The following ZFYVE16 variants were observed in gnomAD, a reference collection of about 807,000 sequenced individuals.
ZFYVE16 encodes zinc finger FYVE domain-containing protein 16.
ZFYVE16 carries 89 observed loss-of-function variants against 138.1 expected under a neutral mutation model. The ratio of observed to expected loss-of-function variants is 0.64; its 90% CI spans 0.54 to 0.77. The LOEUF is 0.77. Among genes scored for constraint, ZFYVE16 ranks in the 30% least tolerant of loss-of-function variants. ZFYVE16 has a pLI of 0.00. For missense variants in ZFYVE16, 1,793 were observed against 1,786.7 expected, an observed-to-expected ratio of 1.00 and a Z score of -0.06; for synonymous variants, 596 against 618.3, an observed-to-expected ratio of 0.96 and a Z score of 0.53.
intron 2 of ZFYVE16, among the ~76,000 whole-genome samples, chr5:80,429,152 G>A (rs537534178): frequency 8.2e-4 from 125 of 152,274 alleles, no homozygotes; most frequent in African/African-American, 3.0e-3. Flanking sequence ...ACACATAATT[G>A]TCAGATTCAC....
chr5:80,457,097 G>A lies in ZFYVE16; in HGVS notation c.3943+5G>A, dbSNP rs758591310. The A allele has an allele frequency of 3.5e-5, 57 of 1,609,480 alleles. No homozygotes were observed. The highest frequency in any genetic ancestry group is 4.7e-5 in the Non-Finnish European group (55 of 1,178,588). ...CCACTGGCCATCCTAGAAAAGGTGA[G>A]CATCTTGGTTCCTAGTGCTAATTTA... On this transcript the variant is annotated splice_donor_5th_base_variant and intron_variant, in intron 14 of 18. Coordinates refer to ENST00000505560, the MANE Select transcript of ZFYVE16 (RefSeq NM_001284236.3).
intron 5 of ZFYVE16, chr5:80,441,932 T>C: frequency 1.0e-6 from 1 of 985,116 alleles, no homozygotes; most frequent in Non-Finnish European, 1.2e-6. Context: ...CAGGCACTAT[T>C]CTGCATTCTG....
At chr5:80,417,183 A>C (rs1746379327) in intron 1 of ZFYVE16, among the ~76,000 whole-genome samples, 1 of 152,202 alleles carries the variant, frequency 6.6e-6, no homozygotes. Flanking sequence ...ACCACCATGG[A>C]AAACAACTTT....
Position 80,479,696 on chromosome 5 carries a change from A to T in ZFYVE16, c.*2319A>T, listed in dbSNP as rs1211231014. On this transcript the variant is annotated 3_prime_UTR_variant, in exon 19 of 19. Transcript: ENST00000505560. Reference sequence around the variant, plus strand: ...AAAACATCAAAGAGATTTTCCAGACAATAAGGAATGCCAAGTCCAAAAGTA... The same window carrying T: ...AAAACATCAAAGAGATTTTCCAGACTATAAGGAATGCCAAGTCCAAAAGTA... 6.6e-6 allele frequency among the ~76,000 whole-genome samples: 1 copy of T among 152,244 alleles called. No homozygotes were observed. The highest frequency in any genetic ancestry group is 1.5e-5 in the Non-Finnish European group (1 of 68,034).
intron 3 of ZFYVE16, 110 bp from the exon 4 acceptor site, chr5:80,436,646 T>C: frequency 1.0e-6 from 1 of 984,300 alleles, no homozygotes; most frequent in Non-Finnish European, 1.5e-6. Flanking sequence ...AAGGATAATC[T>C]ATGTTCTTTT....
chr5:80,465,307 C>T (rs1330897797), intron 15 of ZFYVE16, among the ~76,000 whole-genome samples: 2 of 148,356 alleles, frequency 1.3e-5, no homozygotes, highest in African/African-American at 4.9e-5. Flanking sequence ...TGGACATAAA[C>T]TTTCTGGTTA....
At chr5:80,441,881 G>A (rs1479951688) in intron 5 of ZFYVE16, 5 of 985,228 alleles carry the variant, frequency 5.1e-6, no homozygotes, top group Non-Finnish European at 6.0e-6. Flanking sequence ...AGAGCTATCA[G>A]TGTTCCTTAT....
In ZFYVE16 at chr5:80,478,847, C is replaced by T. The variant is rs1755134491; in HGVS notation, c.*1470C>T. 6.6e-6 allele frequency: 1 copy of T among 152,116 alleles called. No homozygotes were observed. The highest frequency in any genetic ancestry group is 1.5e-5 in the Non-Finnish European group (1 of 67,972). The allele number at this position is 152,116 out of a possible 1,614,324, so 9.4% of individuals were successfully genotyped here. ...GAGAATATCAGCCTTCTGGAAGTAG[C>T]TACTTCCTGAACAATGTAAAGTGTC... On this transcript the variant is annotated 3_prime_UTR_variant, in exon 19 of 19. Coordinates refer to ENST00000505560, the MANE Select transcript of ZFYVE16 (RefSeq NM_001284236.3).
intron 3 of ZFYVE16, among the ~76,000 whole-genome samples, chr5:80,436,519 CACTT>C (rs1430454086): frequency 6.6e-6 from 1 of 152,128 alleles, no homozygotes; most frequent in Non-Finnish European, 1.5e-5. Context: ...GCACTTGTGA[CACTT>C]ACTTTCTAGT....
intron 2 of ZFYVE16, among the ~76,000 whole-genome samples, chr5:80,432,811 C>T (rs1443943647): frequency 6.6e-6 from 1 of 152,174 alleles, no homozygotes; most frequent in Admixed American, 6.5e-5. Context: ...CAAAAGAAGA[C>T]ATATATGCAG....
At chr5:80,412,982 C>G in intron 1 of ZFYVE16, among the ~76,000 whole-genome samples, 1 of 150,874 alleles carries the variant, frequency 6.6e-6, no homozygotes, top group East Asian at 2.0e-4. Flanking sequence ...TGAGACCATT[C>G]TGGGCAACAT....
In ZFYVE16 at chr5:80,443,228, G is replaced by A; in HGVS notation, c.2525G>A (p.Ser842Asn). ...VQPPQENQTS[S>N]IPSPATLPVS... ...CCTCCTCAGGAGAACCAAACATCCA[G>A]TATACCTTCACCAGCAACTTTGCCA... Residue 842 changes from serine to asparagine, a missense_variant, in exon 6 of 19, where the codon AGT (serine) becomes AAT (asparagine). Around this residue, in one of 2 missense-constraint regions of ZFYVE16, gnomAD observed 1,295 missense variants for 1,204.3 expected, o/e 1.08. Coordinates refer to ENST00000505560, the MANE Select transcript of ZFYVE16 (RefSeq NM_001284236.3). 1 of 1,611,458 alleles carries A rather than the reference G, an allele frequency of 6.2e-7. No individual in the cohort carries two copies. The highest frequency in any genetic ancestry group is 8.5e-7 in the Non-Finnish European group (1 of 1,179,384).
chr5:80,465,409 T>TG (rs1461959882), intron 15 of ZFYVE16, among the ~76,000 whole-genome samples: 19 of 112,020 alleles, frequency 1.7e-4, no homozygotes, highest in African/African-American at 5.4e-4. Flanking sequence ...TGTTTTTTTT[T>TG]TTTTTTTTTT....
At chr5:80,453,028 A>G (rs1762078108) in intron 11 of ZFYVE16, among the ~76,000 whole-genome samples, 1 of 152,176 alleles carries the variant, frequency 6.6e-6, no homozygotes, top group Non-Finnish European at 1.5e-5. Context: ...TGAACTTTTT[A>G]GACATTTGAT....
At chr5:80,442,650 T>C (rs1243146228) in intron 5 of ZFYVE16, among the ~76,000 whole-genome samples, 5 of 152,144 alleles carry the variant, frequency 3.3e-5, no homozygotes, top group Non-Finnish European at 7.3e-5. Context: ...GTCAAACAGG[T>C]AACTGGGAAA....
Position 80,436,930 on chromosome 5 carries a change from A to T in ZFYVE16, c.245A>T (p.Glu82Val). 1.2e-6 allele frequency: 2 copies of T among 1,614,162 alleles called. No individual in the cohort carries two copies. Among genetic ancestry groups the T allele is most frequent in the East Asian group, 2.2e-5 (1 of 44,872 alleles). The change falls in exon 4 of 19, where the codon GAA becomes GTA. Residue 82 changes from glutamate (E) to valine (V), a missense_variant. Coordinates refer to ENST00000505560, the MANE Select transcript of ZFYVE16 (RefSeq NM_001284236.3). ...SYGTNESSLN[E>V]KTLKGLTSIQ... ...GGAACAAATGAGAGTTCCCTGAATG[A>T]AAAAACACTCAAGGGACTTACTTCT... is the stretch of plus-strand genomic sequence containing the variant.
intron 6 of ZFYVE16, chr5:80,443,795 G>A: frequency 4.4e-6 from 2 of 456,250 alleles, no homozygotes; most frequent in Non-Finnish European, 8.8e-6. Context: ...TCCCACCAGT[G>A]CCTGCTATTG....
At chr5:80,432,283 C>G (rs1481670882) in intron 2 of ZFYVE16, among the ~76,000 whole-genome samples, 1 of 152,094 alleles carries the variant, frequency 6.6e-6, no homozygotes, top group Non-Finnish European at 1.5e-5. Flanking sequence ...TAATACCACA[C>G]ATCTACAACC....
At chr5:80,459,080 A>G (rs566872634) in intron 14 of ZFYVE16, among the ~76,000 whole-genome samples, 1 of 152,266 alleles carries the variant, frequency 6.6e-6, no homozygotes, top group South Asian at 2.1e-4. Context: ...GGCGCCTGCC[A>G]CCACACCTGG....
Sources: allele counts gnomAD v4.1 joint callset (sites outside exome capture counted in the v4.1 genomes callset), GRCh38; gene constraint gnomAD v4.1.1; regional missense constraint gnomAD v4.1.1; transcripts MANE v1.5; gene names NCBI Gene and HGNC (gene_info 2026-07-23, HGNC 2026-07-21).